Variants in FNIP2 observed in about 807,000 individuals in gnomAD.
FNIP2 encodes the protein folliculin interacting protein 2, also known as folliculin-interacting protein 2.
FNIP2 carries 32 observed loss-of-function variants against 108.7 expected under a neutral mutation model. That is an observed-to-expected ratio of 0.29 (90% confidence interval 0.22 to 0.40). The LOEUF (loss-of-function observed/expected upper bound fraction) is 0.40. Ranked by LOEUF, FNIP2 falls within the 10% of genes least tolerant of loss-of-function variation. The pLI is 1.00. For missense variants in FNIP2, 1,202 were observed against 1,381.6 expected (o/e 0.87, Z 2.06); for synonymous variants, 480 against 496.7 (o/e 0.97, Z 0.45).
intron 12 of FNIP2, among the ~76,000 whole-genome samples, chr4:158,865,927 A>G (rs1210361333): frequency 6.6e-6 from 1 of 152,022 alleles, no homozygotes; most frequent in Non-Finnish European, 1.5e-5. Flanking sequence ...ATGTCTTGCC[A>G]TTTGAATGTT....
chr4:158,903,756 G>A (rs1378638206), intron 16 of FNIP2, among the ~76,000 whole-genome samples: 1 of 152,106 alleles, frequency 6.6e-6, no homozygotes, highest in Non-Finnish European at 1.5e-5. Flanking sequence ...TTTACTTTGA[G>A]GAATTCAAGG....
intron 6 of FNIP2, chr4:158,834,288 T>TTTCTCTC (rs1553959296): frequency 1.6e-5 from 1 of 63,220 alleles, no homozygotes; most frequent in African/African-American, 5.9e-5. Context: ...CATGGAAGAC[T>TTTCTCTC]TCTCTCTCTC....
chr4:158,819,076 G>A (rs1030587911), intron 1 of FNIP2, among the ~76,000 whole-genome samples: 1 of 152,198 alleles, frequency 6.6e-6, no homozygotes, highest in Non-Finnish European at 1.5e-5. Flanking sequence ...ATATTTATAT[G>A]TTGGCCTTTC....
At chr4:158,898,888 G>A (rs1164474857) in intron 16 of FNIP2, among the ~76,000 whole-genome samples, 2 of 152,208 alleles carry the variant, frequency 1.3e-5, no homozygotes, top group Non-Finnish European at 2.9e-5. Context: ...AGTTGAATAG[G>A]AGTGGTGAGA....
intron 15 of FNIP2, chr4:158,893,793 A>G (rs764929726): frequency 2.3e-5 from 22 of 971,026 alleles, no homozygotes; most frequent in Middle Eastern, 2.7e-4. Context: ...ATTTCATTCT[A>G]TAATACATAC....
intron 8 of FNIP2, among the ~76,000 whole-genome samples, chr4:158,857,669 G>A (rs937359548): frequency 7.2e-5 from 11 of 151,994 alleles, no homozygotes; most frequent in African/African-American, 2.7e-4. Flanking sequence ...ATAGCCAGGT[G>A]CAGTGGCTCA....
chr4:158,828,978 T>A, intron 2 of FNIP2, 101 bp from the exon 3 acceptor site: 1 of 967,956 alleles, frequency 1.0e-6, no homozygotes, highest in Non-Finnish European at 1.5e-6. Context: ...TAATGCAACC[T>A]AGGCACCAGA....
intron 7 of FNIP2, among the ~76,000 whole-genome samples, chr4:158,846,318 G>GT (rs1178984949): frequency 6.6e-6 from 1 of 151,840 alleles, no homozygotes; most frequent in Non-Finnish European, 1.5e-5. Flanking sequence ...TTTCTTTTCT[G>GT]TTTTTTTAAA....
chr4:158,839,786 C>G (rs894895094), intron 7 of FNIP2, among the ~76,000 whole-genome samples: 1 of 152,140 alleles, frequency 6.6e-6, no homozygotes, highest in East Asian at 1.9e-4. Context: ...GTATTTTGAG[C>G]ACTTCCTTAC....
chr4:158,902,490 A>G (rs753332127), intron 16 of FNIP2, among the ~76,000 whole-genome samples: 24 of 152,106 alleles, frequency 1.6e-4, no homozygotes, highest in Non-Finnish European at 4.4e-5. Context: ...AGGCAGTCTG[A>G]CCCTTAGCAG....
intron 14 of FNIP2, among the ~76,000 whole-genome samples, chr4:158,884,744 G>A (rs1386906835): frequency 6.6e-6 from 1 of 152,138 alleles, no homozygotes; most frequent in African/African-American, 2.4e-5. Context: ...GAGGCCTCAG[G>A]AAACTTACAA....
intron 7 of FNIP2, among the ~76,000 whole-genome samples, chr4:158,848,396 G>A (rs1560798694): frequency 6.6e-6 from 1 of 152,220 alleles, no homozygotes; most frequent in Non-Finnish European, 1.5e-5. Flanking sequence ...TCAGCCAAGG[G>A]GAGCACAGTG....
chr4:158,885,001 C>G (rs1021298905), intron 14 of FNIP2, among the ~76,000 whole-genome samples: 1 of 140,742 alleles, frequency 7.1e-6, no homozygotes, highest in Admixed American at 7.1e-5. Context: ...AAAAAAAATA[C>G]AAAAATTAGC....
chr4:158,903,180 G>A (rs1391182767), intron 16 of FNIP2, among the ~76,000 whole-genome samples: 1 of 152,194 alleles, frequency 6.6e-6, no homozygotes, highest in African/African-American at 2.4e-5. Context: ...GCAGTATCCA[G>A]ACTGCAGTGC....
intron 14 of FNIP2, chr4:158,872,366 C>T (rs1578952445): frequency 1.0e-6 from 1 of 985,304 alleles, no homozygotes; most frequent in African/African-American, 1.7e-5. Context: ...TTTGAAAAAA[C>T]ACAACCATGT....
chr4:158,886,481 C>T (rs1025209234), intron 14 of FNIP2, among the ~76,000 whole-genome samples: 10 of 152,120 alleles, frequency 6.6e-5, no homozygotes, highest in African/African-American at 1.9e-4. Flanking sequence ...AGGAAGGTGC[C>T]GGGCTGGCAG....
chr4:158,776,184 A>T (rs6852508), intron 1 of FNIP2, among the ~76,000 whole-genome samples: 54,967 of 151,986 alleles, frequency 0.36, 10,385 homozygotes, highest in Middle Eastern at 0.47. Context: ...AGGCAGTAGG[A>T]ATTCATCCCA....
At chr4:158,873,155 AAAAG>A (rs1312511225) in intron 14 of FNIP2, among the ~76,000 whole-genome samples, 72 of 151,742 alleles carry the variant, frequency 4.7e-4, no homozygotes, top group Admixed American at 2.9e-3. Context: ...TAAAAAAAAA[AAAAG>A]AAAAAACAAA....
chr4:158,890,603 C>T (rs765565371), intron 14 of FNIP2, among the ~76,000 whole-genome samples: 2 of 152,200 alleles, frequency 1.3e-5, no homozygotes, highest in Non-Finnish European at 2.9e-5. Flanking sequence ...CTGTATATCT[C>T]TTTGGGTTCT....
Sources: allele counts gnomAD v4.1 joint callset (sites outside exome capture counted in the v4.1 genomes callset), GRCh38; gene constraint gnomAD v4.1.1; transcripts MANE v1.5; gene names NCBI Gene and HGNC (gene_info 2026-07-23, HGNC 2026-07-21).